The following KCNIP4 variants were observed in gnomAD, a reference collection of about 807,000 sequenced individuals.
KCNIP4 encodes the protein Kv channel-interacting protein 4.
In KCNIP4, 12 loss-of-function variants were observed where a neutral mutation model predicts 34.0. The ratio of observed to expected loss-of-function variants is 0.35; its 90% CI spans 0.23 to 0.57. KCNIP4 has a LOEUF of 0.57. Ranked by LOEUF, KCNIP4 falls within the 20% of genes least tolerant of loss-of-function variation. The pLI is 0.83. For missense variants in KCNIP4, 238 were observed against 311.7 expected (o/e 0.76, Z 1.78); for synonymous variants, 124 against 102.2 (o/e 1.21, Z -1.29).
At chr4:21,007,093 C>T (rs1738634019) in intron 1 of KCNIP4, among the ~76,000 whole-genome samples, 3 of 152,060 alleles carry the variant, frequency 2.0e-5, no homozygotes, top group Admixed American at 6.6e-5. Flanking sequence ...ATAATATGAA[C>T]ACAAATTTAA....
intron 1 of KCNIP4, among the ~76,000 whole-genome samples, chr4:20,901,145 G>C (rs573167820): frequency 6.6e-6 from 1 of 152,250 alleles, no homozygotes; most frequent in South Asian, 2.1e-4. Flanking sequence ...TTTTCTTTGT[G>C]AGTGCTTTAC....
chr4:21,305,791 A>G (rs1341544114), intron 1 of KCNIP4, among the ~76,000 whole-genome samples: 2 of 152,112 alleles, frequency 1.3e-5, no homozygotes, highest in Admixed American at 6.5e-5. Flanking sequence ...ATTTAGAAAA[A>G]CCTTCTTACA....
At chr4:20,742,815 C>A (rs1410157262) in intron 5 of KCNIP4, among the ~76,000 whole-genome samples, 1 of 152,008 alleles carries the variant, frequency 6.6e-6, no homozygotes, top group African/African-American at 2.4e-5. Context: ...TTTAGAAAAC[C>A]CTGTCGTCTC....
chr4:21,785,005 C>T (rs989884024), intron 1 of KCNIP4, among the ~76,000 whole-genome samples: 31 of 152,176 alleles, frequency 2.0e-4, no homozygotes, highest in African/African-American at 7.5e-4. Flanking sequence ...ATATTACTGG[C>T]TGTCCCCACT....
At chr4:20,973,720 T>A (rs534974256) in intron 1 of KCNIP4, among the ~76,000 whole-genome samples, 27 of 152,134 alleles carry the variant, frequency 1.8e-4, no homozygotes, top group Non-Finnish European at 3.2e-4. Context: ...TAGAGGCCAT[T>A]GTAGGATTAT....
chr4:21,049,582 T>C (rs2108943922), intron 1 of KCNIP4, among the ~76,000 whole-genome samples: 1 of 152,348 alleles, frequency 6.6e-6, no homozygotes, highest in Non-Finnish European at 1.5e-5. Flanking sequence ...GTCTTTACCC[T>C]CTTTCTGGTC....
chr4:21,646,270 A>C (rs1011698396), intron 1 of KCNIP4, among the ~76,000 whole-genome samples: 1 of 152,160 alleles, frequency 6.6e-6, no homozygotes, highest in Non-Finnish European at 1.5e-5. Context: ...TTGAGTTGCC[A>C]ATGTAGTTCC....
At chr4:21,910,062 G>C (rs533921408) in intron 1 of KCNIP4, among the ~76,000 whole-genome samples, 9 of 152,084 alleles carry the variant, frequency 5.9e-5, no homozygotes, top group Non-Finnish European at 1.3e-4. Context: ...CGAAGATGAT[G>C]CTACCCTGAA....
At chr4:20,752,905 C>T (rs1753893038) in intron 4 of KCNIP4, 1 of 152,208 alleles carries the variant, frequency 6.6e-6, no homozygotes, top group South Asian at 2.1e-4. Context: ...GAGTGATTAA[C>T]TGACTTCTTG....
chr4:21,124,964 T>C (rs960589674), intron 1 of KCNIP4, among the ~76,000 whole-genome samples: 5 of 151,648 alleles, frequency 3.3e-5, no homozygotes, highest in Non-Finnish European at 7.4e-5. Flanking sequence ...AGTTTAGAAA[T>C]ATCCAAGACA....
At chr4:20,731,781 T>C (rs769741236) in intron 8 of KCNIP4, 2 of 985,440 alleles carry the variant, frequency 2.0e-6, no homozygotes, top group Non-Finnish European at 2.4e-6. Context: ...ACAACTTTTG[T>C]ATCCCCAGGG....
intron 1 of KCNIP4, among the ~76,000 whole-genome samples, chr4:21,050,369 C>T (rs1163673764): frequency 6.6e-6 from 1 of 151,926 alleles, no homozygotes; most frequent in Non-Finnish European, 1.5e-5. Context: ...ATTTATCCCC[C>T]TGTTCCATAT....
chr4:21,267,560 CGT>C (rs1560234060), intron 1 of KCNIP4, among the ~76,000 whole-genome samples: 9 of 148,644 alleles, frequency 6.1e-5, no homozygotes, highest in African/African-American at 2.0e-4. Context: ...TAGCATGAAG[CGT>C]TGTTGAATTT....
intron 1 of KCNIP4, among the ~76,000 whole-genome samples, chr4:21,179,167 A>G (rs1754659546): frequency 6.6e-6 from 1 of 152,126 alleles, no homozygotes; most frequent in South Asian, 2.1e-4. Context: ...TCTTTAAGGA[A>G]TTTGGACCCC....
At chr4:21,665,511 A>AC (rs11291297) in intron 1 of KCNIP4, among the ~76,000 whole-genome samples, 6,336 of 138,482 alleles carry the variant, frequency 0.046, 154 homozygotes, top group Non-Finnish European at 0.064. Context: ...ATCACAGGGC[A>AC]CCCCCCCCCC....
chr4:21,801,517 G>T (rs916991280), intron 1 of KCNIP4, among the ~76,000 whole-genome samples: 2 of 152,172 alleles, frequency 1.3e-5, no homozygotes, highest in Non-Finnish European at 2.9e-5. Context: ...TGTGGAGGCA[G>T]GCGGAGGCAT....
At chr4:20,896,823 C>T (rs1007865102) in intron 1 of KCNIP4, among the ~76,000 whole-genome samples, 4 of 152,186 alleles carry the variant, frequency 2.6e-5, no homozygotes, top group Non-Finnish European at 5.9e-5. Flanking sequence ...AAAATTAAGC[C>T]ATGTCCATAT....
At chr4:21,794,806 G>A (rs1179260167) in intron 1 of KCNIP4, among the ~76,000 whole-genome samples, 1 of 152,124 alleles carries the variant, frequency 6.6e-6, no homozygotes, top group Non-Finnish European at 1.5e-5. Context: ...TTGAACCAGG[G>A]AGGCGGAGGT....
chr4:21,281,090 T>C (rs1166716503), intron 1 of KCNIP4, among the ~76,000 whole-genome samples: 16 of 148,848 alleles, frequency 1.1e-4, no homozygotes, highest in South Asian at 2.1e-4. Flanking sequence ...TTTTCTTCTT[T>C]TTTTTTTTTT....
Sources: allele counts gnomAD v4.1 joint callset (sites outside exome capture counted in the v4.1 genomes callset), GRCh38; gene constraint gnomAD v4.1.1; transcripts MANE v1.5; gene names NCBI Gene and HGNC (gene_info 2026-07-23, HGNC 2026-07-21).